UNC13C: variants seen among roughly 807,000 people sequenced by gnomAD.
UNC13C encodes unc-13 homolog C.
Under a neutral mutation model 245.4 loss-of-function variants are expected in UNC13C, and 174 were observed. That is an observed-to-expected ratio of 0.71 (90% CI 0.63 to 0.80). UNC13C has a LOEUF of 0.80. Ranked by LOEUF, UNC13C falls within the 30% of genes least tolerant of loss-of-function variation. The pLI, the probability that UNC13C is intolerant of heterozygous loss-of-function variation, is 0.00. For synonymous variants in UNC13C, 992 were observed against 895.1 expected (o/e 1.11, Z -1.93); for missense variants, 2,829 against 2,602.9 (o/e 1.09, Z -1.89).
At chr15:54,571,178 T>C (rs760148987) in intron 30 of UNC13C, among the ~76,000 whole-genome samples, 4 of 152,176 alleles carry the variant, frequency 2.6e-5, no homozygotes, top group Non-Finnish European at 4.4e-5. Flanking sequence ...TAAAGACATA[T>C]CCAAGAGTGG....
chr15:54,120,795 G>T (rs1277597122), intron 2 of UNC13C, among the ~76,000 whole-genome samples: 1 of 151,896 alleles, frequency 6.6e-6, no homozygotes, highest in Non-Finnish European at 1.5e-5. Flanking sequence ...GACTTTGAGG[G>T]GTTCAAGACT....
intron 29 of UNC13C, among the ~76,000 whole-genome samples, chr15:54,563,534 A>G (rs1223698111): frequency 6.6e-6 from 1 of 152,052 alleles, no homozygotes; most frequent in Non-Finnish European, 1.5e-5. Flanking sequence ...ACTGCAGGCC[A>G]TAGAGGAATT....
chr15:54,173,812 G>A (rs2033509029), intron 4 of UNC13C, among the ~76,000 whole-genome samples: 1 of 152,064 alleles, frequency 6.6e-6, no homozygotes, highest in Non-Finnish European at 1.5e-5. Context: ...AAGCATTCAG[G>A]CTTTTAGCAT....
chr15:54,624,492 T>G (rs1021882255), intron 32 of UNC13C, among the ~76,000 whole-genome samples: 2 of 152,136 alleles, frequency 1.3e-5, no homozygotes, highest in Non-Finnish European at 2.9e-5. Context: ...GAGATCCAAG[T>G]GAGGCCAAGG....
intron 19 of UNC13C, among the ~76,000 whole-genome samples, chr15:54,422,003 T>C (rs2040654489): frequency 1.3e-5 from 2 of 152,064 alleles, no homozygotes; most frequent in African/African-American, 4.8e-5. Flanking sequence ...ATCAGTGATA[T>C]GGATGAAAAG....
intron 11 of UNC13C, 47 bp downstream of exon 11, chr15:54,294,111 T>C: frequency 1.4e-6 from 2 of 1,441,478 alleles, no homozygotes; most frequent in Non-Finnish European, 1.8e-6. Flanking sequence ...ATAAAACCCC[T>C]GAATACCTGT....
chr15:53,896,390 G>A, the UNC13C span, among the ~76,000 whole-genome samples: 1 of 152,006 alleles, frequency 6.6e-6, no homozygotes, highest in South Asian at 2.1e-4. Flanking sequence ...TGCTCTTCTG[G>A]TTCAATTTAG....
chr15:53,866,571 C>A, the UNC13C span, among the ~76,000 whole-genome samples: 3 of 152,126 alleles, frequency 2.0e-5, no homozygotes, highest in East Asian at 5.8e-4. Flanking sequence ...TAGTTAGAAA[C>A]AATAAGGAAA....
At position 54,014,309 on chromosome 15, in the gene UNC13C, C is replaced by T. The variant is rs554429063; in HGVS notation, c.1406C>T (p.Ser469Phe). 1.8e-4 allele frequency: 293 copies of T among 1,613,894 alleles called. No individual in the cohort carries two copies. The Middle Eastern group carries it at 2.5e-3, about 14-fold the overall frequency. ...AATAGAAACAGTTACGCTGTGCTTT[C>T]CAAGTCAGAGCTTCTAACAAAGGGA... ...DLNRNSYAVL[S>F]KSELLTKGST... The change falls in exon 2 of 33, where the codon TCC becomes TTC. Residue 469 changes from serine to phenylalanine, a missense_variant. Coordinates refer to ENST00000260323, the MANE Select transcript of UNC13C (RefSeq NM_001080534.3).
downstream of UNC13C, chr15:54,632,388 A>G (rs1340595643): frequency 6.6e-6 from 1 of 152,166 alleles, no homozygotes; most frequent in Non-Finnish European, 1.5e-5. Context: ...TAGCTTTGCT[A>G]CCATAAGAAT....
chr15:54,314,820 A>C (rs2037969229), intron 13 of UNC13C, among the ~76,000 whole-genome samples: 1 of 151,786 alleles, frequency 6.6e-6, no homozygotes, highest in Non-Finnish European at 1.5e-5. Context: ...TAACATTGTC[A>C]AAGTCAGGCT....
the UNC13C span, among the ~76,000 whole-genome samples, chr15:53,907,396 T>C: frequency 6.6e-6 from 1 of 152,204 alleles, no homozygotes; most frequent in Non-Finnish European, 1.5e-5. Context: ...TAAATATTTT[T>C]AATACAAGTA....
At chr15:54,485,889 G>A (rs1017073409) in intron 19 of UNC13C, among the ~76,000 whole-genome samples, 2 of 152,052 alleles carry the variant, frequency 1.3e-5, no homozygotes, top group Non-Finnish European at 2.9e-5. Flanking sequence ...CTGCTCTCTT[G>A]TCATCTCATG....
At chr15:53,858,965 T>TTATA in the UNC13C span, among the ~76,000 whole-genome samples, 1 of 151,650 alleles carries the variant, frequency 6.6e-6, no homozygotes, top group Non-Finnish European at 1.5e-5. Context: ...TTAAAAATTA[T>TTATA]TGTGTTTAGA....
At chr15:53,932,557 T>G in the UNC13C span, among the ~76,000 whole-genome samples, 1 of 152,280 alleles carries the variant, frequency 6.6e-6, no homozygotes, top group East Asian at 1.9e-4. Flanking sequence ...TTAGACATAC[T>G]AATTTTCTTC....
chr15:54,447,875 A>G lies in UNC13C; in HGVS notation c.4933+32808A>G, dbSNP rs560228896. 7.9e-4 allele frequency among the ~76,000 whole-genome samples: 120 copies of G among 152,216 alleles called. 1 individual carries two copies. The highest frequency in any genetic ancestry group is 3.6e-3 in the Admixed American group (55 of 15,286). On this transcript the variant is annotated intron_variant, in intron 19 of 32. Transcript: ENST00000260323. ...TTTTAATTGTGATGTTAGGGTGTCAATTTTAGATCTTTCCTGCTTTCTCTT... is the reference window on the plus strand; with the variant it reads ...TTTTAATTGTGATGTTAGGGTGTCAGTTTTAGATCTTTCCTGCTTTCTCTT...
intron 26 of UNC13C, among the ~76,000 whole-genome samples, chr15:54,543,367 C>G (rs568410369): frequency 1.5e-3 from 227 of 151,282 alleles, no homozygotes; most frequent in African/African-American, 5.5e-3. Flanking sequence ...AATCAACACA[C>G]TAACATCAAA....
intron 30 of UNC13C, among the ~76,000 whole-genome samples, chr15:54,604,793 T>G (rs539616082): frequency 7.7e-4 from 118 of 152,272 alleles, no homozygotes; most frequent in Admixed American, 2.2e-3. Context: ...GACAGGGCAT[T>G]GAAAAGGAAT....
the UNC13C span, among the ~76,000 whole-genome samples, chr15:53,874,683 A>G: frequency 6.6e-6 from 1 of 152,118 alleles, no homozygotes; most frequent in Non-Finnish European, 1.5e-5. Context: ...CTCAATACCT[A>G]CTTTTCTGCC....
Sources: allele counts gnomAD v4.1 joint callset (sites outside exome capture counted in the v4.1 genomes callset), GRCh38; gene constraint gnomAD v4.1.1; transcripts MANE v1.5; gene names NCBI Gene and HGNC (gene_info 2026-07-23, HGNC 2026-07-21).